Variants in TCF7L2 observed in about 807,000 individuals in gnomAD.
TCF7L2 encodes the protein transcription factor 7-like 2.
Under a neutral mutation model 77.9 loss-of-function variants are expected in TCF7L2, and 23 were observed. The ratio of observed to expected loss-of-function variants is 0.30; its 90% CI spans 0.21 to 0.42. TCF7L2 has a LOEUF of 0.42. TCF7L2 is among the 10% of genes least tolerant of loss of function. The probability of loss-of-function intolerance (pLI) is 1.00; values close to 1 mark genes in which losing one functional copy is unlikely to be tolerated. For missense variants in TCF7L2, 654 were observed against 793.1 expected (o/e 0.82, Z 2.11); for synonymous variants, 413 against 340.2 (o/e 1.21, Z -2.36).
At chr10:113,113,672 G>A (rs945054447) in intron 5 of TCF7L2, among the ~76,000 whole-genome samples, 22 of 152,276 alleles carry the variant, frequency 1.4e-4, no homozygotes, top group African/African-American at 5.1e-4. Flanking sequence ...TATTTCTGCA[G>A]CATTTAAAGA....
intron 5 of TCF7L2, among the ~76,000 whole-genome samples, chr10:113,136,328 C>T (rs1305496957): frequency 6.6e-6 from 1 of 152,156 alleles, no homozygotes; most frequent in Non-Finnish European, 1.5e-5. Flanking sequence ...ATCCTACCTT[C>T]ATTTCGTCTA....
At chr10:112,952,832 C>T (rs1166990646) in intron 3 of TCF7L2, among the ~76,000 whole-genome samples, 1 of 148,904 alleles carries the variant, frequency 6.7e-6, no homozygotes, top group African/African-American at 2.5e-5. Context: ...CCCCCACCGG[C>T]CTGTGCCCCC....
At chr10:113,126,403 G>A (rs2136392593) in intron 5 of TCF7L2, among the ~76,000 whole-genome samples, 1 of 152,240 alleles carries the variant, frequency 6.6e-6, no homozygotes. Context: ...AATTTCACTG[G>A]AGAACTGCAA....
chr10:113,133,911 C>T (rs1249771406), intron 5 of TCF7L2, among the ~76,000 whole-genome samples: 1 of 152,192 alleles, frequency 6.6e-6, no homozygotes, highest in East Asian at 1.9e-4. Flanking sequence ...GGGGTAGGTT[C>T]TGCAGCAGCC....
intron 12 of TCF7L2, 75 bp downstream of exon 14, chr10:113,160,067 G>GTT: frequency 7.3e-7 from 1 of 1,369,122 alleles, no homozygotes. Context: ...TCTCTGGCCT[G>GTT]TTGCTTTGTA....
At chr10:113,099,676 C>G (rs375690489) in intron 5 of TCF7L2, among the ~76,000 whole-genome samples, 1 of 152,234 alleles carries the variant, frequency 6.6e-6, no homozygotes, top group South Asian at 2.1e-4. Flanking sequence ...GTGTCACACT[C>G]GAGTGAACAG....
At chr10:113,106,442 C>G (rs141985244) in intron 5 of TCF7L2, among the ~76,000 whole-genome samples, 38 of 152,280 alleles carry the variant, frequency 2.5e-4, no homozygotes, top group Non-Finnish European at 5.0e-4. Flanking sequence ...TTTTGTGAAC[C>G]ATTCCTGTTA....
intron 11 of TCF7L2, among the ~76,000 whole-genome samples, chr10:113,153,760 G>A (rs771006312): frequency 5.9e-5 from 9 of 152,162 alleles, no homozygotes; most frequent in Non-Finnish European, 1.2e-4. Flanking sequence ...GAGTTAAGTC[G>A]GATATCTTTA....
chr10:112,951,647 CGCCCGCGCCGCCCGCCG>C (rs2031366006), intron 3 of TCF7L2, 40 bp downstream of exon 3: 1 of 1,062,928 alleles, frequency 9.4e-7, no homozygotes, highest in African/African-American at 1.8e-5. Context: ...GCTGCCCGCC[CGCCCGCGCCGCCCGCCG>C]GGCCCCGCAT....
intron 5 of TCF7L2, among the ~76,000 whole-genome samples, chr10:113,052,090 A>T (rs1322735658): frequency 3.9e-5 from 6 of 152,194 alleles, no homozygotes; most frequent in African/African-American, 1.2e-4. Flanking sequence ...ACTGATTATT[A>T]CAACTTCATT....
chr10:113,157,220 G>A (rs2072110369), intron 11 of TCF7L2, among the ~76,000 whole-genome samples: 1 of 152,216 alleles, frequency 6.6e-6, no homozygotes, highest in Non-Finnish European at 1.5e-5. Context: ...CTGGGTTCAG[G>A]CGATTCTCCT....
intron 5 of TCF7L2, among the ~76,000 whole-genome samples, chr10:113,075,484 AAG>A (rs1444308696): frequency 1.3e-5 from 2 of 152,172 alleles, no homozygotes; most frequent in Non-Finnish European, 2.9e-5. Flanking sequence ...AAAAGAAAAA[AAG>A]AGTATCTTTA....
intron 5 of TCF7L2, among the ~76,000 whole-genome samples, chr10:113,105,782 T>G (rs190179558): frequency 1.2e-4 from 18 of 152,184 alleles, no homozygotes; most frequent in African/African-American, 4.3e-4. Flanking sequence ...GTCTTACAGT[T>G]TAGAAAGAGG....
At position 113,104,756 on chromosome 10, in the gene TCF7L2, G is replaced by A. The variant is rs538491211; in HGVS notation, c.553-36428G>A. Among the ~76,000 whole-genome samples the A allele has an allele frequency of 2.0e-5, 3 of 152,312 alleles. No individual in the cohort carries two copies. In the South Asian group the frequency reaches 6.2e-4, roughly 32 times the overall value. ...TGTACCCACTGCTGTAACATCAGGT[G>A]ACACTCAAGGAACACAATTCTACTC... On this transcript the variant is annotated intron_variant, in intron 5 of 13. Transcript: ENST00000627217.
chr10:112,953,025 T>G (rs1281601905), intron 3 of TCF7L2, among the ~76,000 whole-genome samples: 1 of 152,166 alleles, frequency 6.6e-6, no homozygotes, highest in Non-Finnish European at 1.5e-5. Flanking sequence ...TCTTTTTCGG[T>G]AACTCTAGAT....
At chr10:113,134,689 A>T (rs866355014) in intron 5 of TCF7L2, among the ~76,000 whole-genome samples, 24 of 152,166 alleles carry the variant, frequency 1.6e-4, no homozygotes, top group African/African-American at 5.5e-4. Context: ...GCCATAGTAA[A>T]CGGCATCTGG....
intron 12 of TCF7L2, chr10:113,160,515 C>T (rs1592477513): frequency 2.0e-6 from 2 of 1,007,200 alleles, no homozygotes; most frequent in Non-Finnish European, 2.9e-6. Context: ...TCAAATAGAA[C>T]CAAGGTGATA....
At chr10:113,009,086 C>A (rs1297175758) in intron 4 of TCF7L2, among the ~76,000 whole-genome samples, 1 of 152,140 alleles carries the variant, frequency 6.6e-6, no homozygotes, top group Admixed American at 6.6e-5. Context: ...TAGGCTGGTA[C>A]CACCAGGCCC....
chr10:113,092,680 A>G (rs548992772), intron 5 of TCF7L2, among the ~76,000 whole-genome samples: 1 of 152,218 alleles, frequency 6.6e-6, no homozygotes, highest in Non-Finnish European at 1.5e-5. Flanking sequence ...GGAGTTCGAC[A>G]TGGTGAAACC....
Sources: allele counts gnomAD v4.1 joint callset (sites outside exome capture counted in the v4.1 genomes callset), GRCh38; gene constraint gnomAD v4.1.1; transcripts MANE v1.5; gene names NCBI Gene and HGNC (gene_info 2026-07-23, HGNC 2026-07-21).